The following TMOD3 variants were observed in gnomAD, a reference collection of about 807,000 sequenced individuals.
TMOD3 encodes the protein tropomodulin 3.
In TMOD3, 20 loss-of-function variants were observed where a neutral mutation model predicts 39.2. The ratio of observed to expected loss-of-function variants is 0.51; its 90% CI spans 0.36 to 0.74. The LOEUF (loss-of-function observed/expected upper bound fraction) is 0.74. Among genes scored for constraint, TMOD3 ranks in the 30% least tolerant of loss-of-function variants. The probability of loss-of-function intolerance (pLI) is 0.00; values close to 1 mark genes in which losing one functional copy is unlikely to be tolerated. For synonymous variants in TMOD3, 143 were observed against 145.8 expected, an observed-to-expected ratio of 0.98 and a Z score of 0.14; for missense variants, 381 against 412.8, an observed-to-expected ratio of 0.92 and a Z score of 0.67.
chr15:51,841,485 G>A (rs891441859), intron 1 of TMOD3, among the ~76,000 whole-genome samples: 2 of 151,904 alleles, frequency 1.3e-5, no homozygotes, highest in African/African-American at 4.8e-5. Context: ...TCCCTCATTT[G>A]ATATTAAAGG....
intron 9 of TMOD3, among the ~76,000 whole-genome samples, chr15:51,905,971 A>G (rs940552173): frequency 2.0e-5 from 3 of 150,472 alleles, no homozygotes; most frequent in Non-Finnish European, 4.4e-5. Flanking sequence ...AAAAAAAAAA[A>G]AAAAAAAAAG....
At chr15:51,902,531 C>A (rs375495636) in intron 9 of TMOD3, among the ~76,000 whole-genome samples, 2 of 152,014 alleles carry the variant, frequency 1.3e-5, no homozygotes, top group East Asian at 1.9e-4. Flanking sequence ...AGTGCAGTGG[C>A]GCCATCTCGG....
chr15:51,903,017 C>T (rs1483206512), intron 9 of TMOD3, among the ~76,000 whole-genome samples: 1 of 151,946 alleles, frequency 6.6e-6, no homozygotes, highest in Non-Finnish European at 1.5e-5. Context: ...ATCTCTTGAC[C>T]TCACGATCCA....
At chr15:51,834,957 T>A (rs1038840842) in intron 1 of TMOD3, 1 of 152,264 alleles carries the variant, frequency 6.6e-6, no homozygotes, top group Non-Finnish European at 1.5e-5. Flanking sequence ...GCACGGACCC[T>A]GACCTTAAAA....
intron 9 of TMOD3, among the ~76,000 whole-genome samples, chr15:51,903,242 A>G (rs1041353674): frequency 2.0e-5 from 3 of 152,250 alleles, no homozygotes; most frequent in African/African-American, 4.8e-5. Flanking sequence ...TCTGTTTGAA[A>G]TAGACTTTCC....
At chr15:51,891,267 C>G (rs1375596359) in intron 5 of TMOD3, among the ~76,000 whole-genome samples, 1 of 142,896 alleles carries the variant, frequency 7.0e-6, no homozygotes, top group Non-Finnish European at 1.5e-5. Context: ...TTTTCTGTGC[C>G]ATTTATTTTT....
At chr15:51,838,778 C>T (rs1881582526) in intron 1 of TMOD3, among the ~76,000 whole-genome samples, 1 of 152,120 alleles carries the variant, frequency 6.6e-6, no homozygotes, top group East Asian at 1.9e-4. Flanking sequence ...ACCTTCTGTG[C>T]TTTCCCCTTA....
At chr15:51,859,084 G>T (rs1251351406) in intron 1 of TMOD3, 11 of 504,640 alleles carry the variant, frequency 2.2e-5, no homozygotes, top group Non-Finnish European at 3.6e-5. Context: ...CAGCCATCTT[G>T]TCTGCCATCG....
chr15:51,856,054 G>A (rs1000399712), intron 1 of TMOD3, among the ~76,000 whole-genome samples: 1 of 152,162 alleles, frequency 6.6e-6, no homozygotes, highest in African/African-American at 2.4e-5. Flanking sequence ...CTTGATTCTA[G>A]GAGTTTAAGA....
rs530679343 is a variant in TMOD3 at position 51,896,355 on chromosome 15, T to C, written c.628-64T>C. On this transcript the variant is annotated intron_variant, in intron 6 of 9. Transcript: ENST00000308580. ...AAAGCAAAAAAAACCATATATTTGA[T>C]TAATGGAAACTAAATATAATGAAAA... is the stretch of plus-strand genomic sequence containing the variant. The C allele has an allele frequency of 3.5e-5, 42 of 1,186,968 alleles. No individual in the cohort carries two copies. The African/African-American group carries it at 4.2e-4, about 12-fold the overall frequency. The allele number at this position is 1,186,968 out of a possible 1,614,324, so 73.5% of individuals were successfully genotyped here.
intron 3 of TMOD3, among the ~76,000 whole-genome samples, chr15:51,876,399 A>G (rs1004245501): frequency 1.3e-5 from 2 of 151,282 alleles, no homozygotes; most frequent in Admixed American, 6.6e-5. Flanking sequence ...GCCTCAAGCA[A>G]TCCTTCCACC....
chr15:51,900,793 ATTATGTC>A (rs1409726679), intron 8 of TMOD3, among the ~76,000 whole-genome samples: 1 of 152,212 alleles, frequency 6.6e-6, no homozygotes, highest in East Asian at 1.9e-4. Context: ...GGAAAAGAGG[ATTATGTC>A]TTAAAATTTA....
chr15:51,837,636 G>A (rs2056293080), intron 1 of TMOD3, among the ~76,000 whole-genome samples: 1 of 152,154 alleles, frequency 6.6e-6, no homozygotes, highest in East Asian at 1.9e-4. Context: ...AGGCAGATGT[G>A]TAGGATTTCA....
In TMOD3 at chr15:51,873,045, A is replaced by G. The variant is rs72732918; in HGVS notation, c.283+3672A>G. ...TGGCTGTAAAGCTCTGCTTTGAAAT[A>G]TAGCAAAAAGCCACCTCTAATGTTC... On this transcript the variant is annotated intron_variant, in intron 3 of 9. Transcript: ENST00000308580. 7.2e-5 allele frequency among the ~76,000 whole-genome samples: 11 copies of G among 152,344 alleles called. 1 individual carries two copies. Among genetic ancestry groups the G allele is most frequent in the Admixed American group, 1.3e-4 (2 of 15,308 alleles).
intron 9 of TMOD3, among the ~76,000 whole-genome samples, chr15:51,902,331 G>A (rs1349425410): frequency 6.6e-6 from 1 of 152,188 alleles, no homozygotes; most frequent in Admixed American, 6.5e-5. Context: ...TGGAACTATT[G>A]AAACAAAGAT....
intron 5 of TMOD3, among the ~76,000 whole-genome samples, chr15:51,891,685 A>G (rs1365855684): frequency 2.0e-5 from 3 of 152,174 alleles, no homozygotes; most frequent in South Asian, 2.1e-4. Flanking sequence ...GATGTGTGGA[A>G]TGGGGAAAGA....
intron 9 of TMOD3, among the ~76,000 whole-genome samples, chr15:51,908,325 G>A (rs2056692452): frequency 6.6e-6 from 1 of 152,174 alleles, no homozygotes; most frequent in South Asian, 2.1e-4. Flanking sequence ...TGTAATCCCA[G>A]CACTTTGGGA....
At chr15:51,874,756 G>T (rs1468846230) in intron 3 of TMOD3, among the ~76,000 whole-genome samples, 2 of 152,114 alleles carry the variant, frequency 1.3e-5, no homozygotes, top group East Asian at 3.8e-4. Context: ...CCTAGACTAA[G>T]AATTTTTTTT....
chr15:51,911,101 A>G lies in TMOD3; in HGVS notation c.*2291A>G, dbSNP rs556861741. 1 of 152,302 alleles carries G rather than the reference A, an allele frequency of 6.6e-6. No homozygotes were observed. The highest frequency in any genetic ancestry group is 1.9e-4 in the East Asian group (1 of 5,190). The allele number at this position is 152,302 out of a possible 1,614,324, so 9.4% of individuals were successfully genotyped here. Reference sequence around the variant, plus strand: ...TGGAGCAGGCATCTCAGGCTACCAGAAAGAATTGGTCACCTAGACTTTCAG... The same window carrying G: ...TGGAGCAGGCATCTCAGGCTACCAGGAAGAATTGGTCACCTAGACTTTCAG... On this transcript the variant is annotated 3_prime_UTR_variant, in exon 10 of 10. Coordinates refer to ENST00000308580, the MANE Select transcript of TMOD3 (RefSeq NM_014547.5).
Sources: gnomAD v4.1 joint callset for allele counts (sites outside exome capture counted in the v4.1 genomes callset) on GRCh38, gnomAD v4.1.1 for gene constraint, MANE v1.5 for transcripts, NCBI Gene and HGNC (gene_info 2026-07-23, HGNC 2026-07-21) for gene names.